ASIC2: variants seen among roughly 807,000 people sequenced by gnomAD.
ASIC2 encodes acid-sensing ion channel 2.
ASIC2 carries 25 observed loss-of-function variants against 57.3 expected under a neutral mutation model. That is an observed-to-expected ratio of 0.44 (90% CI 0.32 to 0.61). The LOEUF (loss-of-function observed/expected upper bound fraction) is 0.61, where lower values mean the gene tolerates loss of function less well. Among genes scored for constraint, ASIC2 ranks in the 20% least tolerant of loss-of-function variants. The probability of loss-of-function intolerance (pLI) is 0.06; values close to 1 mark genes in which losing one functional copy is unlikely to be tolerated. For missense variants in ASIC2, 641 were observed against 738.1 expected, an observed-to-expected ratio of 0.87 and a Z score of 1.52; for synonymous variants, 319 against 307.5, an observed-to-expected ratio of 1.04 and a Z score of -0.39.
chr17:33,113,538 G>A (rs2092268423), intron 1 of ASIC2, among the ~76,000 whole-genome samples: 1 of 152,216 alleles, frequency 6.6e-6, no homozygotes, highest in South Asian at 2.1e-4. Flanking sequence ...CCATCCTACA[G>A]CATGGAGGCC....
chr17:33,590,632 C>T (rs1055025270), intron 1 of ASIC2, among the ~76,000 whole-genome samples: 6 of 151,728 alleles, frequency 4.0e-5, no homozygotes, highest in Admixed American at 3.3e-4. Context: ...CTCTACACTA[C>T]ACCCCAATCT....
chr17:33,975,598 G>A (rs1370261806), intron 1 of ASIC2, among the ~76,000 whole-genome samples: 3 of 152,000 alleles, frequency 2.0e-5, no homozygotes, highest in Non-Finnish European at 4.4e-5. Context: ...TGGAATCAAG[G>A]TCATAAATAG....
chr17:33,425,698 T>C (rs1911195173), intron 1 of ASIC2, among the ~76,000 whole-genome samples: 1 of 152,232 alleles, frequency 6.6e-6, no homozygotes, highest in South Asian at 2.1e-4. Context: ...AAATTATCTG[T>C]CTGGAAGGGG....
intron 1 of ASIC2, among the ~76,000 whole-genome samples, chr17:33,215,857 G>C (rs2142092835): frequency 6.6e-6 from 1 of 152,156 alleles, no homozygotes; most frequent in South Asian, 2.1e-4. Flanking sequence ...CCGCCACCTC[G>C]CCTGGCTAAT....
At chr17:33,176,493 C>T (rs1905762932) in intron 1 of ASIC2, among the ~76,000 whole-genome samples, 1 of 152,112 alleles carries the variant, frequency 6.6e-6, no homozygotes, top group Non-Finnish European at 1.5e-5. Context: ...GCATACACCA[C>T]CATGCCCAGC....
At chr17:33,138,702 A>G (rs2092375559) in intron 1 of ASIC2, among the ~76,000 whole-genome samples, 1 of 152,048 alleles carries the variant, frequency 6.6e-6, no homozygotes, top group South Asian at 2.1e-4. Flanking sequence ...GCTCCCTGCC[A>G]CCTCAGGTAG....
Position 33,292,400 on chromosome 17 carries a change from G to A in ASIC2, c.-285C>T. ...GCTTTCCCGGCCCCTGGTCTTCCTG[G>A]AGGATGCCCGGCGCCCGGCACTACT... On this transcript the variant is annotated 5_prime_UTR_variant, in exon 1 of 10. Coordinates refer to ENST00000225823, the MANE Select transcript of ASIC2 (RefSeq NM_183377.2). 1.0e-6 allele frequency: 1 copy of A among 985,432 alleles called. No individual in the cohort carries two copies. The allele number at this position is 985,432 out of a possible 1,614,324, so 61.0% of individuals were successfully genotyped here. A position where few individuals can be genotyped will look rare whatever the true frequency, so the allele number is the denominator to read the frequency against.
At chr17:33,152,453 A>G (rs780819645) in intron 1 of ASIC2, among the ~76,000 whole-genome samples, 111 of 152,224 alleles carry the variant, frequency 7.3e-4, no homozygotes, top group Non-Finnish European at 2.9e-4. Context: ...TCTGGCCTCA[A>G]AGGATGAAAT....
At chr17:33,398,867 G>T (rs1312716437) in intron 1 of ASIC2, among the ~76,000 whole-genome samples, 1 of 152,132 alleles carries the variant, frequency 6.6e-6, no homozygotes, top group African/African-American at 2.4e-5. Context: ...TCCAGAAGAA[G>T]CTACCATTTA....
intron 1 of ASIC2, among the ~76,000 whole-genome samples, chr17:33,797,758 T>A (rs1254498259): frequency 6.6e-6 from 1 of 152,214 alleles, no homozygotes; most frequent in African/African-American, 2.4e-5. Flanking sequence ...TTTGGAGGAC[T>A]GAAATGTGGG....
At chr17:33,047,865 G>A (rs1598252213) in intron 3 of ASIC2, among the ~76,000 whole-genome samples, 1 of 152,152 alleles carries the variant, frequency 6.6e-6, no homozygotes, top group Admixed American at 6.5e-5. Context: ...CAATTAGGAA[G>A]GACTGCGATG....
intron 1 of ASIC2, among the ~76,000 whole-genome samples, chr17:33,457,601 G>C (rs1351747775): frequency 1.3e-5 from 2 of 152,144 alleles, no homozygotes; most frequent in Non-Finnish European, 2.9e-5. Context: ...GTCTATAAAG[G>C]TAGTAGTATT....
At chr17:33,641,722 T>C (rs1906571183) in intron 1 of ASIC2, among the ~76,000 whole-genome samples, 1 of 152,142 alleles carries the variant, frequency 6.6e-6, no homozygotes, top group Non-Finnish European at 1.5e-5. Flanking sequence ...CCTCACCTCC[T>C]TCTGGTTGCA....
At chr17:34,120,076 C>T (rs902589750) in intron 1 of ASIC2, 13 of 152,174 alleles carry the variant, frequency 8.5e-5, no homozygotes, top group African/African-American at 2.9e-4. Context: ...TTCTTGAGCT[C>T]CATGCTCCCA....
chr17:34,084,592 G>T (rs2142082037), intron 1 of ASIC2, among the ~76,000 whole-genome samples: 1 of 152,304 alleles, frequency 6.6e-6, no homozygotes, highest in Middle Eastern at 3.4e-3. Context: ...GTCATTGGTT[G>T]CTTGATGAGG....
intron 4 of ASIC2, among the ~76,000 whole-genome samples, chr17:33,027,629 T>C (rs2091864568): frequency 2.0e-5 from 3 of 152,204 alleles, no homozygotes; most frequent in East Asian, 1.9e-4. Flanking sequence ...ATACAGTAAA[T>C]GAGTGGAAGA....
rs116492378 is a variant in ASIC2, at chr17:33,257,478, G to C, written c.708+33930C>G. Among the ~76,000 whole-genome samples, 1,349 of 152,330 alleles carry C rather than the reference G, an allele frequency of 8.9e-3. 16 individuals are homozygous for C. Among genetic ancestry groups the C allele is most frequent in the African/African-American group, 0.031 (1,301 of 41,562 alleles). On this transcript the variant is annotated intron_variant, in intron 1 of 9. Transcript: ENST00000225823. ...TTTAGTATATAGGCGAAGTGGCTGT[G>C]GCTCAGAAAAGTGAGGTAACTTATC... is the stretch of plus-strand genomic sequence containing the variant.
chr17:33,590,630 T>C (rs1333821957), intron 1 of ASIC2, among the ~76,000 whole-genome samples: 2 of 147,110 alleles, frequency 1.4e-5, no homozygotes, highest in South Asian at 2.2e-4. Context: ...GTCTCTACAC[T>C]ACACCCCAAT....
At chr17:34,035,781 A>C (rs994329390) in intron 1 of ASIC2, among the ~76,000 whole-genome samples, 9 of 152,220 alleles carry the variant, frequency 5.9e-5, no homozygotes. Flanking sequence ...CACGTGAAAA[A>C]ATGCTCACCA....
Sources: gnomAD v4.1 joint callset for allele counts (sites outside exome capture counted in the v4.1 genomes callset) on GRCh38, gnomAD v4.1.1 for gene constraint, MANE v1.5 for transcripts, NCBI Gene and HGNC (gene_info 2026-07-23, HGNC 2026-07-21) for gene names.